Variants in CEP85L observed in about 807,000 individuals in gnomAD.
CEP85L encodes the protein centrosomal protein of 85 kDa-like.
CEP85L carries 60 observed loss-of-function variants against 100.3 expected under a neutral mutation model. That is an observed-to-expected ratio of 0.60 (90% CI 0.49 to 0.74). The LOEUF (loss-of-function observed/expected upper bound fraction) is 0.74, where lower values mean the gene tolerates loss of function less well. Among genes scored for constraint, CEP85L ranks in the 30% least tolerant of loss-of-function variants. CEP85L has a pLI of 0.00. For synonymous variants in CEP85L, 319 were observed against 322.7 expected, an observed-to-expected ratio of 0.99 and a Z score of 0.12; for missense variants, 973 against 936.2, an observed-to-expected ratio of 1.04 and a Z score of -0.51.
Position 118,503,973 on chromosome 6 carries a change from A to C in CEP85L, c.1257+7325T>G, listed in dbSNP as rs527990533. 8.5e-5 allele frequency among the ~76,000 whole-genome samples: 13 copies of C among 152,308 alleles called. No homozygotes were observed. In the South Asian group the frequency reaches 2.7e-3, roughly 32 times the overall value. ...AATTAAAAACTTTTTCCCTCCAAAA[A>C]ACAATGGCAGGAGAATGAGAAAACA... On this transcript the variant is annotated intron_variant, in intron 5 of 12. Coordinates refer to ENST00000368491, the MANE Select transcript of CEP85L (RefSeq NM_001042475.3).
chr6:118,570,938 C>G (rs1156336211), intron 2 of CEP85L, among the ~76,000 whole-genome samples: 1 of 151,268 alleles, frequency 6.6e-6, no homozygotes, highest in Admixed American at 6.6e-5. Context: ...GCACACACAA[C>G]ATATGAATAA....
At chr6:118,588,152 A>T (rs2115106118) in intron 2 of CEP85L, among the ~76,000 whole-genome samples, 1 of 152,302 alleles carries the variant, frequency 6.6e-6, no homozygotes, top group East Asian at 1.9e-4. Flanking sequence ...GGACAAAGGG[A>T]TCTATCATTT....
intron 1 of CEP85L, among the ~76,000 whole-genome samples, chr6:118,670,480 T>TC (rs972934102): frequency 6.6e-6 from 1 of 152,050 alleles, no homozygotes; most frequent in African/African-American, 2.4e-5. Flanking sequence ...CCACGTGTAC[T>TC]CCATGTTTAG....
rs1479420813 is a variant in CEP85L at position 118,491,463 on chromosome 6, T to G, written c.1437+223A>C. The G allele has an allele frequency of 6.3e-6, 8 of 1,264,892 alleles. No homozygotes were observed. The Admixed American group carries it at 1.2e-4, about 19-fold the overall frequency. The allele number at this position is 1,264,892 out of a possible 1,614,324, so 78.4% of individuals were successfully genotyped here. On this transcript the variant is annotated intron_variant, in intron 6 of 12. Transcript: ENST00000368491. ...TAGGCAATTAATTTTTTAAAGATTT[T>G]ACTATTTGTTAGAAAGATATACAAG...
upstream of CEP85L, among the ~76,000 whole-genome samples, chr6:118,653,518 G>A (rs1775666578): frequency 6.6e-6 from 1 of 152,230 alleles, no homozygotes; most frequent in East Asian, 1.9e-4. Flanking sequence ...TACAGCCATG[G>A]TTTTCAGAAT....
intron 5 of CEP85L, among the ~76,000 whole-genome samples, chr6:118,493,465 T>C (rs1017189686): frequency 8.6e-5 from 13 of 151,992 alleles, no homozygotes; most frequent in Admixed American, 2.0e-4. Context: ...CTAGAAGAAA[T>C]AGGACAAAGC....
At position 118,651,174 on chromosome 6, in the gene CEP85L, CGGGGCGCTGTCCCG is replaced by C; in HGVS notation, c.73+9_73+22del. The stretch of plus-strand genomic sequence containing the variant: ...GGTCGGCCGTGACCCCCACCCCAGC[CGGGGCGCTGTCCCG>C]TTCCTTACCGGCAGGGAAGCTGCGG... On this transcript the variant is annotated intron_variant, in intron 1 of 12. Transcript: ENST00000368491. 2 of 1,487,360 alleles carry C rather than the reference CGGGGCGCTGTCCCG, an allele frequency of 1.3e-6. No individual in the cohort carries two copies. Among genetic ancestry groups the C allele is most frequent in the East Asian group, 2.9e-5 (1 of 34,622 alleles). 92.1% of individuals were successfully genotyped at this position (1,487,360 alleles called of 1,614,324 possible).
intron 3 of CEP85L, among the ~76,000 whole-genome samples, chr6:118,528,838 T>C (rs1777121542): frequency 1.3e-5 from 2 of 152,128 alleles, no homozygotes; most frequent in Admixed American, 1.3e-4. Context: ...AAAAATCATA[T>C]TGTGAAGTCT....
rs954005459 is a variant in CEP85L at position 118,565,781 on chromosome 6, A to G, written c.768T>C (p.Tyr256=). The G allele has an allele frequency of 6.2e-7, 1 of 1,614,190 alleles. No homozygotes were observed. The highest frequency in any genetic ancestry group is 8.5e-7 in the Non-Finnish European group (1 of 1,180,018). The change falls in exon 3 of 13, where the codon TAT becomes TAC. Residue 256 remains tyrosine, a synonymous_variant. Coordinates refer to ENST00000368491, the MANE Select transcript of CEP85L (RefSeq NM_001042475.3). ...TLRRQPVDMT[Y]SALPESKPIM... Reference sequence around the variant, plus strand: ...TGGGCTTGCTTTCAGGTAAGGCACTATATGTCATGTCTACAGGCTGTCTCC... The same window carrying G: ...TGGGCTTGCTTTCAGGTAAGGCACTGTATGTCATGTCTACAGGCTGTCTCC...
chr6:118,587,241 G>A (rs1377713937), intron 2 of CEP85L, among the ~76,000 whole-genome samples: 1 of 152,158 alleles, frequency 6.6e-6, no homozygotes, highest in Non-Finnish European at 1.5e-5. Flanking sequence ...CATGGTATGG[G>A]AACACTTTCA....
intron 4 of CEP85L, among the ~76,000 whole-genome samples, chr6:118,511,995 C>A: frequency 6.6e-6 from 1 of 151,608 alleles, no homozygotes; most frequent in Non-Finnish European, 1.5e-5. Context: ...CTTTTCCAGC[C>A]AAGGTGCAGT....
intron 2 of CEP85L, among the ~76,000 whole-genome samples, chr6:118,567,319 TCTA>T (rs1379483611): frequency 6.8e-6 from 1 of 146,120 alleles, no homozygotes; most frequent in Non-Finnish European, 1.5e-5. Context: ...AACCTTAGAG[TCTA>T]CTTTTATTCC....
At chr6:118,487,622 T>G (rs888073548) in intron 6 of CEP85L, among the ~76,000 whole-genome samples, 3 of 152,160 alleles carry the variant, frequency 2.0e-5, no homozygotes, top group Non-Finnish European at 4.4e-5. Flanking sequence ...AAGGAACCTG[T>G]TGGGAAAGAA....
At chr6:118,696,009 G>A (rs533493490) in intron 1 of CEP85L, among the ~76,000 whole-genome samples, 6 of 152,146 alleles carry the variant, frequency 3.9e-5, no homozygotes, top group Non-Finnish European at 7.4e-5. Flanking sequence ...GGTGGTTCAC[G>A]CCTGTAATCC....
chr6:118,549,498 T>G (rs1778410482), intron 3 of CEP85L, among the ~76,000 whole-genome samples: 1 of 151,856 alleles, frequency 6.6e-6, no homozygotes, highest in Admixed American at 6.6e-5. Context: ...AAATAAAATT[T>G]ATCTCTAAAA....
intron 2 of CEP85L, among the ~76,000 whole-genome samples, chr6:118,576,620 G>C (rs1168564474): frequency 6.6e-6 from 1 of 152,174 alleles, no homozygotes; most frequent in Admixed American, 6.5e-5. Context: ...TCTGTGGAAA[G>C]AGTTAATACT....
chr6:118,549,744 T>G (rs1167036010), intron 3 of CEP85L, among the ~76,000 whole-genome samples: 1 of 152,054 alleles, frequency 6.6e-6, no homozygotes, highest in East Asian at 1.9e-4. Context: ...TCTATCAAAT[T>G]ACATTCTCAC....
At position 118,461,206 on chromosome 6, in the gene CEP85L, A is replaced by G. The variant is rs1582830674; in HGVS notation, c.*4199T>C. On this transcript the variant is annotated 3_prime_UTR_variant, in exon 13 of 13. Coordinates refer to ENST00000368491, the MANE Select transcript of CEP85L (RefSeq NM_001042475.3). ...TAGCACCTTACTACTTCTTGTCATC[A>G]CAACAATGCGATGTTAAGTTTTATG... 1 of 152,220 alleles carries G rather than the reference A, an allele frequency of 6.6e-6. No homozygotes were observed. Among genetic ancestry groups the G allele is most frequent in the East Asian group, 1.9e-4 (1 of 5,182 alleles). The allele number at this position is 152,220 out of a possible 1,614,324, so 9.4% of individuals were successfully genotyped here.
At chr6:118,617,308 G>C (rs1235172772) in intron 2 of CEP85L, among the ~76,000 whole-genome samples, 1 of 152,132 alleles carries the variant, frequency 6.6e-6, no homozygotes, top group Non-Finnish European at 1.5e-5. Context: ...TTAGGTGTAA[G>C]TTTTCCTGTG....
Sources: gnomAD v4.1 joint callset for allele counts (sites outside exome capture counted in the v4.1 genomes callset) on GRCh38, gnomAD v4.1.1 for gene constraint, MANE v1.5 for transcripts, NCBI Gene and HGNC (gene_info 2026-07-23, HGNC 2026-07-21) for gene names.